Variants in FPR3 observed in about 807,000 individuals in gnomAD.
FPR3 encodes the protein N-formyl peptide receptor 3.
For synonymous variants in FPR3, 135 were observed against 163.6 expected (o/e 0.83, Z 1.34); for missense variants, 346 against 443.2 (o/e 0.78, Z 1.97).
At chr19:51,813,813 C>T (rs974957552) in intron 1 of FPR3, among the ~76,000 whole-genome samples, 4 of 152,136 alleles carry the variant, frequency 2.6e-5, no homozygotes, top group African/African-American at 9.7e-5. Flanking sequence ...GGATTACAGG[C>T]ATAAGCCACC....
At chr19:51,795,501 ATTCTTTTTTTT>A (rs1484105267) in intron 1 of FPR3, among the ~76,000 whole-genome samples, 170 bp downstream of exon 1, 10 of 77,076 alleles carry the variant, frequency 1.3e-4, no homozygotes, top group South Asian at 5.5e-4. Context: ...TTCCAGTAAC[ATTCTTTTTTTT>A]TTTTTTTTTT....
intron 1 of FPR3, among the ~76,000 whole-genome samples, chr19:51,801,782 C>CAAATTTGA (rs1012493596): frequency 1.2e-3 from 187 of 152,310 alleles, no homozygotes; most frequent in African/African-American, 4.3e-3. Context: ...TTATGGACTT[C>CAAATTTGA]ATAGTGGGAT....
chr19:51,805,685 C>T (rs550590933), intron 1 of FPR3, among the ~76,000 whole-genome samples: 84 of 152,240 alleles, frequency 5.5e-4, no homozygotes, highest in Middle Eastern at 6.8e-3. Flanking sequence ...GAAGTAGCCT[C>T]GCTTGGTTGG....
At chr19:51,802,141 AG>A (rs1423343521) in intron 1 of FPR3, among the ~76,000 whole-genome samples, 1 of 152,136 alleles carries the variant, frequency 6.6e-6, no homozygotes, top group Non-Finnish European at 1.5e-5. Flanking sequence ...AATTAATAAA[AG>A]CGTGATTATC....
chr19:51,817,885 A>G (rs1390229302), intron 1 of FPR3: 1 of 152,192 alleles, frequency 6.6e-6, no homozygotes, highest in Non-Finnish European at 1.5e-5. Flanking sequence ...TGCCTGCTGT[A>G]TGACAGACAT....
chr19:51,802,460 A>T lies in FPR3; in HGVS notation c.-11+7129A>T, dbSNP rs375462742. ...AAGCCATTCAAGGATGAGTGGATGA[A>T]GTTTTTAATCAGGAAAAAATACTTC... On this transcript the variant is annotated intron_variant, in intron 1 of 1. Coordinates refer to ENST00000339223, the MANE Select transcript of FPR3 (RefSeq NM_002030.5). 2.6e-5 allele frequency among the ~76,000 whole-genome samples: 4 copies of T among 152,274 alleles called. No homozygotes were observed. In the East Asian group the frequency reaches 5.8e-4, roughly 22 times the overall value.
At chr19:51,816,318 G>A (rs2084136731) in intron 1 of FPR3, among the ~76,000 whole-genome samples, 1 of 152,138 alleles carries the variant, frequency 6.6e-6, no homozygotes, top group Non-Finnish European at 1.5e-5. Flanking sequence ...CATGATCTCG[G>A]CTGACTACAA....
chr19:51,808,632 T>G (rs886364184), intron 1 of FPR3, among the ~76,000 whole-genome samples: 1 of 152,196 alleles, frequency 6.6e-6, no homozygotes, highest in Non-Finnish European at 1.5e-5. Context: ...AAATCAAGGC[T>G]TATCCTTCTC....
intron 1 of FPR3, among the ~76,000 whole-genome samples, chr19:51,796,929 A>G (rs1045464907): frequency 6.6e-6 from 1 of 152,232 alleles, no homozygotes; most frequent in Non-Finnish European, 1.5e-5. Flanking sequence ...AGACTGGATG[A>G]TATCATTTAT....
chr19:51,818,344 T>C (rs1007140801), intron 1 of FPR3, among the ~76,000 whole-genome samples: 3 of 152,220 alleles, frequency 2.0e-5, no homozygotes, highest in Non-Finnish European at 4.4e-5. Flanking sequence ...TGTTTACACA[T>C]GGTTACCTGA....
chr19:51,797,900 T>TTTTTTTG (rs1323781827), intron 1 of FPR3, among the ~76,000 whole-genome samples: 2 of 146,106 alleles, frequency 1.4e-5, no homozygotes, highest in African/African-American at 5.2e-5. Context: ...TTTTTTTTTT[T>TTTTTTTG]GAGACGGAGT....
intron 1 of FPR3, among the ~76,000 whole-genome samples, chr19:51,819,951 G>A (rs2084175741): frequency 1.3e-5 from 2 of 152,158 alleles, no homozygotes; most frequent in Non-Finnish European, 2.9e-5. Context: ...GAGAGACAGT[G>A]GGATGGAAAG....
At position 51,807,216 on chromosome 19, in the gene FPR3, TGG is replaced by T. The variant is rs111702324; in HGVS notation, c.-11+11892_-11+11893del. ...ATCAGGCAAAAGAGATAGCAGGAAG[TGG>T]GGGGGGTGGTTGCTGGCTAGCAGCC... On this transcript the variant is annotated intron_variant, in intron 1 of 1. Transcript: ENST00000339223. 4.6e-3 allele frequency among the ~76,000 whole-genome samples: 698 copies of T among 151,452 alleles called. 7 individuals carry two copies. The highest frequency in any genetic ancestry group is 0.015 in the African/African-American group (639 of 41,302).
At chr19:51,798,701 T>C (rs1312678872) in intron 1 of FPR3, among the ~76,000 whole-genome samples, 1 of 152,148 alleles carries the variant, frequency 6.6e-6, no homozygotes, top group Non-Finnish European at 1.5e-5. Flanking sequence ...GGATTCTCCC[T>C]AGTAAAAAAG....
intron 1 of FPR3, among the ~76,000 whole-genome samples, chr19:51,823,533 C>T (rs1270201570): frequency 6.6e-6 from 1 of 152,108 alleles, no homozygotes; most frequent in Non-Finnish European, 1.5e-5. Context: ...TGATAGGTGG[C>T]ATGCATATTA....
intron 1 of FPR3, among the ~76,000 whole-genome samples, chr19:51,797,705 T>C (rs2084007755): frequency 6.6e-6 from 1 of 152,148 alleles, no homozygotes; most frequent in South Asian, 2.1e-4. Flanking sequence ...GTGGATAATG[T>C]TCATAAGTAG....
chr19:51,799,203 C>T (rs946423947), intron 1 of FPR3, among the ~76,000 whole-genome samples: 4 of 152,166 alleles, frequency 2.6e-5, no homozygotes, highest in Non-Finnish European at 5.9e-5. Context: ...CCTCTTGCTC[C>T]TCTGAGTGTG....
Position 51,824,221 on chromosome 19 carries a change from T to C in FPR3, c.473T>C (p.Leu158Ser). Reference protein sequence around the residue: ...GLWIFTIVLTLPNFIFWTTIS... With the variant: ...GLWIFTIVLTSPNFIFWTTIS... ...TGGATTTTCACCATAGTCCTTACCT[T>C]ACCAAATTTCATCTTCTGGACTACA... The change falls in exon 2 of 2, where the codon TTA (leucine) becomes TCA (serine). Residue 158 changes from leucine to serine, a missense_variant. Leu to Ser is a moderately radical substitution (Grantham distance 145). Transcript: ENST00000339223. The surrounding 1 kb of genome is among the most constrained non-coding windows in gnomAD (Gnocchi z 4.7). The C allele has an allele frequency of 6.2e-7, 1 of 1,614,156 alleles. No homozygotes were observed. Among genetic ancestry groups the C allele is most frequent in the Non-Finnish European group, 8.5e-7 (1 of 1,180,004 alleles).
At chr19:51,820,045 A>G (rs544253272) in intron 1 of FPR3, among the ~76,000 whole-genome samples, 22 of 152,348 alleles carry the variant, frequency 1.4e-4, no homozygotes, top group African/African-American at 5.0e-4. Flanking sequence ...TAGGAAAGAA[A>G]AGGCTAAAAA....
Sources: gnomAD v4.1 joint callset for allele counts (sites outside exome capture counted in the v4.1 genomes callset) on GRCh38, gnomAD v4.1.1 for gene constraint, Gnocchi (gnomAD v3.1) non-coding constraint, MANE v1.5 for transcripts, NCBI Gene and HGNC (gene_info 2026-07-23, HGNC 2026-07-21) for gene names.